Variants in TBC1D22A observed in about 807,000 individuals in gnomAD.
The protein encoded by TBC1D22A is putative GTPase activator.
In TBC1D22A, 38 loss-of-function variants were observed where a neutral mutation model predicts 60.2. The ratio of observed to expected loss-of-function variants is 0.63; its 90% confidence interval spans 0.49 to 0.83. The LOEUF is 0.83. TBC1D22A is among the 40% of genes least tolerant of loss of function. The probability of loss-of-function intolerance (pLI) is 0.00; values close to 1 mark genes in which losing one functional copy is unlikely to be tolerated. For missense variants in TBC1D22A, 628 were observed against 701.0 expected (o/e 0.90, Z 1.18); for synonymous variants, 302 against 281.7 (o/e 1.07, Z -0.72).
intron 4 of TBC1D22A, among the ~76,000 whole-genome samples, chr22:46,806,010 A>ACCTGGC (rs1555897585): frequency 6.6e-6 from 1 of 150,632 alleles, no homozygotes; most frequent in Non-Finnish European, 1.5e-5. Context: ...CCACCACCAC[A>ACCTGGC]CCCGGCTAAG....
chr22:47,135,453 C>T (rs957441256), intron 12 of TBC1D22A, among the ~76,000 whole-genome samples: 4 of 152,104 alleles, frequency 2.6e-5, no homozygotes, highest in African/African-American at 7.2e-5. Flanking sequence ...GGGGTTCATG[C>T]GAGAAGGCAG....
rs796956656 is a variant in TBC1D22A at position 46,790,650 on chromosome 22, T to TA, written c.63-1859dup. On this transcript the variant is annotated intron_variant, in intron 1 of 12. Coordinates refer to ENST00000337137, the MANE Select transcript of TBC1D22A (RefSeq NM_014346.5). ...AAAGAAGAGGTACAAATGAACAAAA[T>TA]AAAAAAAAAAAGTTTTACCTTACTA... Among the ~76,000 whole-genome samples, 63 of 144,770 alleles carry TA rather than the reference T, an allele frequency of 4.4e-4. No individual in the cohort carries two copies. In the Middle Eastern group the frequency reaches 0.011, roughly 24 times the overall value. 95.0% of individuals were successfully genotyped at this position (144,770 alleles called of 152,430 possible).
chr22:47,056,474 G>A (rs979955687), intron 11 of TBC1D22A, among the ~76,000 whole-genome samples: 26 of 152,076 alleles, frequency 1.7e-4, no homozygotes, highest in Non-Finnish European at 3.5e-4. Flanking sequence ...CCCCCTTCCT[G>A]ATGCAGAAGC....
chr22:46,884,698 G>A (rs2068024675), intron 5 of TBC1D22A, among the ~76,000 whole-genome samples: 1 of 152,260 alleles, frequency 6.6e-6, no homozygotes, highest in Non-Finnish European at 1.5e-5. Flanking sequence ...ACATAGTTGT[G>A]TTCCCATAAC....
intron 8 of TBC1D22A, among the ~76,000 whole-genome samples, chr22:46,970,134 G>T (rs2073987900): frequency 6.6e-6 from 1 of 152,032 alleles, no homozygotes; most frequent in Non-Finnish European, 1.5e-5. Flanking sequence ...GCTGCTTTGA[G>T]GCAGCTTGGG....
intron 9 of TBC1D22A, among the ~76,000 whole-genome samples, chr22:46,986,930 C>A (rs561998347): frequency 6.6e-6 from 1 of 152,140 alleles, no homozygotes; most frequent in African/African-American, 2.4e-5. Context: ...TCTAGACTCC[C>A]GTTCATTTAA....
chr22:46,805,785 GC>G (rs539312504), intron 4 of TBC1D22A, among the ~76,000 whole-genome samples: 147 of 151,250 alleles, frequency 9.7e-4, no homozygotes, highest in Middle Eastern at 6.8e-3. Context: ...GTCTCTCACC[GC>G]CCCCCCACAC....
At chr22:46,885,804 A>T (rs2068082938) in intron 5 of TBC1D22A, among the ~76,000 whole-genome samples, 1 of 152,116 alleles carries the variant, frequency 6.6e-6, no homozygotes. Context: ...GATTCTGGAG[A>T]TGCTCAGGTG....
intron 12 of TBC1D22A, among the ~76,000 whole-genome samples, chr22:47,136,392 C>A (rs753258285): frequency 4.6e-5 from 7 of 152,240 alleles, no homozygotes; most frequent in Non-Finnish European, 5.9e-5. Context: ...GTCTCTCCTA[C>A]AGCACCCAGC....
At chr22:47,110,981 G>A (rs1297507068) in intron 11 of TBC1D22A, among the ~76,000 whole-genome samples, 1 of 152,220 alleles carries the variant, frequency 6.6e-6, no homozygotes. Flanking sequence ...GGCGTGAGCC[G>A]TGTCCTTCCG....
At chr22:46,929,617 C>G (rs904875281) in intron 8 of TBC1D22A, among the ~76,000 whole-genome samples, 4 of 152,186 alleles carry the variant, frequency 2.6e-5, no homozygotes, top group Non-Finnish European at 5.9e-5. Flanking sequence ...GCAATTAATA[C>G]ACTCTCCAGT....
intron 4 of TBC1D22A, among the ~76,000 whole-genome samples, chr22:46,799,882 C>A (rs1227896821): frequency 2.6e-5 from 4 of 152,206 alleles, no homozygotes; most frequent in Non-Finnish European, 5.9e-5. Context: ...ATGTGGACTC[C>A]GATCACTTGG....
Position 46,790,923 on chromosome 22 carries a change from A to G in TBC1D22A, c.63-1597A>G, listed in dbSNP as rs141903856. 3.9e-5 allele frequency among the ~76,000 whole-genome samples: 6 copies of G among 152,232 alleles called. No individual in the cohort carries two copies. The East Asian group carries it at 9.6e-4, about 24-fold the overall frequency. ...CTTTATTACTTTTTTTGTAATCACT[A>G]TATTATTTTATTTTTTAGAGACAGG... On this transcript the variant is annotated intron_variant, in intron 1 of 12. Transcript: ENST00000337137.
At chr22:46,877,920 T>G (rs2067641977) in intron 4 of TBC1D22A, among the ~76,000 whole-genome samples, 1 of 152,194 alleles carries the variant, frequency 6.6e-6, no homozygotes, top group Admixed American at 6.5e-5. Context: ...GCCCACAGCC[T>G]TACCCCTCTG....
chr22:46,891,837 T>C (rs1851738340), intron 6 of TBC1D22A, among the ~76,000 whole-genome samples: 1 of 152,190 alleles, frequency 6.6e-6, no homozygotes. Context: ...TAGGTAGGGA[T>C]GTGATACCGA....
intron 11 of TBC1D22A, among the ~76,000 whole-genome samples, chr22:47,051,680 C>T (rs2063221993): frequency 6.6e-6 from 1 of 152,186 alleles, no homozygotes; most frequent in Non-Finnish European, 1.5e-5. Context: ...GCAGTGAGCC[C>T]TGGCCGCTTG....
chr22:47,099,319 G>A (rs1279895414), intron 11 of TBC1D22A, among the ~76,000 whole-genome samples: 12 of 152,184 alleles, frequency 7.9e-5, no homozygotes, highest in Admixed American at 6.5e-4. Flanking sequence ...GGCATGAGAG[G>A]CTGGGGTTGG....
chr22:46,841,803 C>T (rs1261097164), intron 4 of TBC1D22A, among the ~76,000 whole-genome samples: 2 of 152,170 alleles, frequency 1.3e-5, no homozygotes, highest in African/African-American at 4.8e-5. Flanking sequence ...GTATGGTATA[C>T]TTGGAATTTG....
intron 7 of TBC1D22A, among the ~76,000 whole-genome samples, chr22:46,902,977 C>T (rs5769220): frequency 0.19 from 29,592 of 152,004 alleles, 3,320 homozygotes; most frequent in East Asian, 0.54. Flanking sequence ...GAAGACAGCC[C>T]GAGGAGGGGC....
Sources: allele counts gnomAD v4.1 joint callset (sites outside exome capture counted in the v4.1 genomes callset), GRCh38; gene constraint gnomAD v4.1.1; transcripts MANE v1.5; gene names NCBI Gene and HGNC (gene_info 2026-07-23, HGNC 2026-07-21).